Variants in RXRA observed in about 807,000 individuals in gnomAD.
RXRA encodes the protein retinoid X receptor alpha.
In RXRA, 5 loss-of-function variants were observed where a neutral mutation model predicts 44.5. The observed-to-expected ratio is 0.11, with a 90% CI of 0.06 to 0.24. The LOEUF (loss-of-function observed/expected upper bound fraction) is 0.24. Among genes scored for constraint, RXRA ranks in the 10% least tolerant of loss-of-function variants. RXRA has a pLI of 1.00. For missense variants in RXRA, 412 were observed against 646.5 expected, an observed-to-expected ratio of 0.64 and a Z score of 3.93; for synonymous variants, 291 against 271.4, an observed-to-expected ratio of 1.07 and a Z score of -0.71.
At chr9:134,436,036 G>C (rs1831614283) in intron 9 of RXRA, among the ~76,000 whole-genome samples, 2 of 152,176 alleles carry the variant, frequency 1.3e-5, no homozygotes, top group African/African-American at 4.8e-5. Flanking sequence ...TGTAGAGACA[G>C]GGTCTCACTG....
At chr9:134,363,994 G>C (rs945054099) in intron 1 of RXRA, among the ~76,000 whole-genome samples, 1 of 152,114 alleles carries the variant, frequency 6.6e-6, no homozygotes, top group East Asian at 1.9e-4. Context: ...GGTCCGTGCC[G>C]GGCTTCTCCT....
intron 1 of RXRA, among the ~76,000 whole-genome samples, chr9:134,347,652 A>T (rs1244540424): frequency 1.7e-4 from 26 of 152,072 alleles, no homozygotes; most frequent in African/African-American, 6.3e-4. Context: ...CTCCAGGGGG[A>T]TGCTGCGGGT....
At chr9:134,406,753 C>G (rs1428891040) in intron 2 of RXRA, among the ~76,000 whole-genome samples, 1 of 152,222 alleles carries the variant, frequency 6.6e-6, no homozygotes, top group Non-Finnish European at 1.5e-5. Flanking sequence ...TTGGCCAGCC[C>G]CTGACCTCCC....
chr9:134,423,093 C>T, intron 6 of RXRA: 1 of 985,442 alleles, frequency 1.0e-6, no homozygotes. Flanking sequence ...TGGGGCAGGC[C>T]CCCCGCAAAG....
rs567161819 is a variant in RXRA, at chr9:134,377,355, G to A, written c.29-24277G>A. ...CCCCATCACTGCCTGACCAAGGGCA[G>A]GTGGCCCAGAGCATGGGAGGCCTGG... On this transcript the variant is annotated intron_variant, in intron 1 of 9. Coordinates refer to ENST00000481739, the MANE Select transcript of RXRA (RefSeq NM_002957.6). Among the ~76,000 whole-genome samples the A allele has an allele frequency of 6.6e-5, 10 of 152,354 alleles. 1 individual carries two copies. Among genetic ancestry groups the A allele is most frequent in the South Asian group, 6.2e-4 (3 of 4,832 alleles).
In RXRA at chr9:134,379,890, G is replaced by A. The variant is rs1234540372; in HGVS notation, c.29-21742G>A. ...CTTGGCGGCTCCAGCCCCCTCTCCAGTATGGCAGAGCCTGGAGGCCTGCTG... is the reference window on the plus strand; with the variant it reads ...CTTGGCGGCTCCAGCCCCCTCTCCAATATGGCAGAGCCTGGAGGCCTGCTG... On this transcript the variant is annotated intron_variant, in intron 1 of 9. Coordinates refer to ENST00000481739, the MANE Select transcript of RXRA (RefSeq NM_002957.6). 4 of 985,234 alleles carry A rather than the reference G, an allele frequency of 4.1e-6. No individual in the cohort carries two copies. The African/African-American group carries it at 7.0e-5, about 17-fold the overall frequency. The allele number at this position is 985,234 out of a possible 1,614,324, so 61.0% of individuals were successfully genotyped here.
chr9:134,425,761 C>T (rs1564296610), intron 6 of RXRA: 16 of 985,268 alleles, frequency 1.6e-5, no homozygotes, highest in Non-Finnish European at 1.9e-5. Flanking sequence ...GTCACTGCCG[C>T]CCTGGGACGG....
chr9:134,351,937 G>T (rs1396488461), intron 1 of RXRA, among the ~76,000 whole-genome samples: 1 of 152,058 alleles, frequency 6.6e-6, no homozygotes, highest in Non-Finnish European at 1.5e-5. Context: ...GCACGTGTGC[G>T]TGCATGTGGC....
At chr9:134,339,312 CGT>C (rs1357865907) in intron 1 of RXRA, among the ~76,000 whole-genome samples, 1 of 152,240 alleles carries the variant, frequency 6.6e-6, no homozygotes, top group Non-Finnish European at 1.5e-5. Context: ...CCTCTGTCTG[CGT>C]GTGAGCCCGT....
chr9:134,354,331 T>C (rs1334490297), intron 1 of RXRA, among the ~76,000 whole-genome samples: 12 of 152,246 alleles, frequency 7.9e-5, no homozygotes, highest in Admixed American at 2.6e-4. Flanking sequence ...CTGTGACTTC[T>C]GCAGAATTTT....
chr9:134,332,527 G>A (rs1835021284), intron 1 of RXRA, among the ~76,000 whole-genome samples: 1 of 152,078 alleles, frequency 6.6e-6, no homozygotes, highest in Admixed American at 6.5e-5. Flanking sequence ...TGGAGGAGGG[G>A]TGGGGGAGGG....
chr9:134,347,280 T>G (rs1228480619), intron 1 of RXRA, among the ~76,000 whole-genome samples: 2 of 152,202 alleles, frequency 1.3e-5, no homozygotes, highest in Non-Finnish European at 2.9e-5. Flanking sequence ...GTTTCTAATT[T>G]TCCTGTGTAA....
At chr9:134,358,094 G>A (rs543011481) in intron 1 of RXRA, among the ~76,000 whole-genome samples, 120 of 152,384 alleles carry the variant, frequency 7.9e-4, no homozygotes, top group African/African-American at 2.7e-3. Flanking sequence ...ACGGGAGGCC[G>A]TGGGCCGCTT....
chr9:134,433,542 A>G lies in RXRA; in HGVS notation c.1136-560A>G, dbSNP rs1831566485. 6.7e-6 allele frequency among the ~76,000 whole-genome samples: 1 copy of G among 149,998 alleles called. No individual in the cohort carries two copies. Among genetic ancestry groups the G allele is most frequent in the Non-Finnish European group, 1.5e-5 (1 of 67,848 alleles). ...CCTTGGGGGCCAAGGTGGCATTCAC[A>G]GGGGGTCCCTGGGCCTTGGAGGTTT... On this transcript the variant is annotated intron_variant, in intron 8 of 9. Transcript: ENST00000481739. The surrounding 1 kb of genome is among the most constrained non-coding windows in gnomAD (Gnocchi z 4.2).
chr9:134,367,431 T>C (rs1293194470), intron 1 of RXRA, among the ~76,000 whole-genome samples: 3 of 152,110 alleles, frequency 2.0e-5, no homozygotes, highest in Non-Finnish European at 4.4e-5. Context: ...CTGCCTTGGG[T>C]TTCTCTTGCG....
rs542994185 is a variant in RXRA at position 134,365,415 on chromosome 9, C to T, written c.29-36217C>T. Among the ~76,000 whole-genome samples the T allele has an allele frequency of 5.3e-5, 8 of 152,228 alleles. No individual in the cohort carries two copies. The highest frequency in any genetic ancestry group is 4.1e-4 in the South Asian group (2 of 4,824). ...GGCCCAGGTGGGATTTGGCGGGTAACGCTCGTGGTGTGTCCTGGTGTGAGA... is the reference window on the plus strand; with the variant it reads ...GGCCCAGGTGGGATTTGGCGGGTAATGCTCGTGGTGTGTCCTGGTGTGAGA... On this transcript the variant is annotated intron_variant, in intron 1 of 9. Transcript: ENST00000481739. This position sits in a 1 kb window ranked among gnomAD's most constrained non-coding sequence, Gnocchi z 4.0.
intron 1 of RXRA, among the ~76,000 whole-genome samples, chr9:134,376,027 C>T (rs1228518310): frequency 1.4e-5 from 2 of 146,474 alleles, no homozygotes; most frequent in African/African-American, 5.0e-5. Flanking sequence ...CGCATGCGGG[C>T]AGATCATGAC....
In RXRA at chr9:134,437,071, T is replaced by C. The variant is rs1319696317; in HGVS notation, c.*457T>C. ...CATCTTCATCTGCTCTGAATACTGG[T>C]GCCCAGCCAGCCCGTGACAGCTTCC... is the stretch of plus-strand genomic sequence containing the variant. On this transcript the variant is annotated 3_prime_UTR_variant, in exon 10 of 10. Transcript: ENST00000481739. 1.2e-5 allele frequency: 2 copies of C among 170,154 alleles called. No individual in the cohort carries two copies. The highest frequency in any genetic ancestry group is 4.8e-5 in the African/African-American group (2 of 41,768). The allele number at this position is 170,154 out of a possible 1,614,324, so 10.5% of individuals were successfully genotyped here. A position where few individuals can be genotyped will look rare whatever the true frequency, so the allele number is the denominator to read the frequency against.
At chr9:134,370,754 G>T (rs79029247) in intron 1 of RXRA, among the ~76,000 whole-genome samples, 2,133 of 152,240 alleles carry the variant, frequency 0.014, 54 homozygotes, top group African/African-American at 0.049. Context: ...GCTGTGTGGC[G>T]GCGCCGGGTG....
Sources: gnomAD v4.1 joint callset for allele counts (sites outside exome capture counted in the v4.1 genomes callset) on GRCh38, gnomAD v4.1.1 for gene constraint, Gnocchi (gnomAD v3.1) non-coding constraint, MANE v1.5 for transcripts, NCBI Gene and HGNC (gene_info 2026-07-23, HGNC 2026-07-21) for gene names.